The following GRB10 variants were observed in gnomAD, a reference collection of about 807,000 sequenced individuals.
GRB10 encodes growth factor receptor-bound protein 10.
A neutral mutation model predicts 80.9 loss-of-function variants in GRB10; 20 were observed. The ratio of observed to expected loss-of-function variants is 0.25; its 90% CI spans 0.17 to 0.36. The LOEUF is 0.36. Ranked by LOEUF, GRB10 falls within the 10% of genes least tolerant of loss-of-function variation. The pLI, the probability that GRB10 is intolerant of heterozygous loss-of-function variation, is 1.00. For missense variants in GRB10, 548 were observed against 747.7 expected (o/e 0.73, Z 3.12); for synonymous variants, 291 against 291.5 (o/e 1.00, Z 0.02).
chr7:50,782,368 G>GCGCCCAC lies in GRB10; in HGVS notation c.-327+49_-327+55dup, dbSNP rs577466455. The GCGCCCAC allele has an allele frequency of 6.3e-4, 93 of 148,134 alleles. No individual in the cohort carries two copies. Among genetic ancestry groups the GCGCCCAC allele is most frequent in the South Asian group, 1.4e-3 (7 of 4,980 alleles). The allele number at this position is 148,134 out of a possible 1,614,324, so 9.2% of individuals were successfully genotyped here. On this transcript the variant is annotated intron_variant, in intron 1 of 18. Coordinates refer to ENST00000401949, the MANE Select transcript of GRB10 (RefSeq NM_001350814.2). This position sits in a 1 kb window ranked among gnomAD's most constrained non-coding sequence, Gnocchi z 6.6. ...GCCGATCCGCCCGCCGCCCCGGCTC[G>GCGCCCAC]CGCCCACCGCCCACCGCCCACCGCC... is the stretch of plus-strand genomic sequence containing the variant.
At chr7:50,729,760 C>T (rs6963038) in intron 4 of GRB10, among the ~76,000 whole-genome samples, 6,487 of 144,898 alleles carry the variant, frequency 0.045, 492 homozygotes, top group African/African-American at 0.15. Flanking sequence ...CCTCTCTCCC[C>T]CCGTTGTCCC....
At chr7:50,741,825 G>A (rs1247527616) in intron 3 of GRB10, among the ~76,000 whole-genome samples, 4 of 151,638 alleles carry the variant, frequency 2.6e-5, no homozygotes, top group Non-Finnish European at 4.4e-5. Flanking sequence ...GTCAAAAATC[G>A]GAAAGCAAAG....
intron 17 of GRB10, among the ~76,000 whole-genome samples, chr7:50,599,047 T>C (rs1420672907): frequency 1.3e-5 from 2 of 152,122 alleles, no homozygotes; most frequent in Non-Finnish European, 2.9e-5. Context: ...AGATTTCCCC[T>C]TAAAAAGATC....
At chr7:50,787,697 A>G (rs1378188698), upstream of GRB10, among the ~76,000 whole-genome samples, 2 of 152,204 alleles carry the variant, frequency 1.3e-5, no homozygotes, top group Admixed American at 6.5e-5. Flanking sequence ...CTCCTGACTT[A>G]TCCCTCCTGC....
At chr7:50,763,534 A>ATGCATACACACGCG (rs1186100051) in intron 2 of GRB10, among the ~76,000 whole-genome samples, 1 of 152,190 alleles carries the variant, frequency 6.6e-6, no homozygotes, top group African/African-American at 2.4e-5. Context: ...AAAGACTCAC[A>ATGCATACACACGCG]TGCATACACA....
chr7:50,660,937 C>T (rs2059205972), intron 7 of GRB10, among the ~76,000 whole-genome samples: 1 of 152,186 alleles, frequency 6.6e-6, no homozygotes, highest in South Asian at 2.1e-4. Context: ...TAGGCTCAGG[C>T]CCCAATGTCT....
intron 17 of GRB10, among the ~76,000 whole-genome samples, chr7:50,596,542 A>G (rs2046688678): frequency 6.6e-6 from 1 of 152,250 alleles, no homozygotes. Context: ...CTTTTGCTAT[A>G]AAGGAGGCAA....
intron 3 of GRB10, among the ~76,000 whole-genome samples, chr7:50,746,017 ATC>A (rs1175156419): frequency 6.6e-6 from 1 of 152,184 alleles, no homozygotes; most frequent in Non-Finnish European, 1.5e-5. Context: ...AGAGTCCAGT[ATC>A]TGAGCTGTAA....
At chr7:50,627,709 C>A (rs1377372963) in intron 7 of GRB10, among the ~76,000 whole-genome samples, 1 of 152,184 alleles carries the variant, frequency 6.6e-6, no homozygotes, top group Non-Finnish European at 1.5e-5. Context: ...CAGGCAAGAC[C>A]CTGCAGCAAT....
chr7:50,668,255 G>A (rs571935338), intron 7 of GRB10, among the ~76,000 whole-genome samples: 5 of 152,322 alleles, frequency 3.3e-5, no homozygotes, highest in Admixed American at 1.3e-4. Flanking sequence ...GCATGGCACA[G>A]GACAGGCAGA....
chr7:50,630,119 C>T (rs2053733698), intron 7 of GRB10, among the ~76,000 whole-genome samples: 1 of 152,244 alleles, frequency 6.6e-6, no homozygotes, highest in African/African-American at 2.4e-5. Context: ...AATTAGCAAT[C>T]TAAGACTTGC....
chr7:50,781,657 G>T (rs2153713735), intron 1 of GRB10, among the ~76,000 whole-genome samples: 1 of 152,362 alleles, frequency 6.6e-6, no homozygotes. Flanking sequence ...GGTCCCCCCA[G>T]CACCCTGGCA....
At chr7:50,650,148 G>T (rs574160841) in intron 7 of GRB10, among the ~76,000 whole-genome samples, 6 of 152,318 alleles carry the variant, frequency 3.9e-5, no homozygotes, top group Admixed American at 2.6e-4. Flanking sequence ...GAGATGAAGA[G>T]ATCACAAGCT....
chr7:50,710,598 G>T (rs1177155388), intron 4 of GRB10, among the ~76,000 whole-genome samples: 1 of 152,146 alleles, frequency 6.6e-6, no homozygotes, highest in Non-Finnish European at 1.5e-5. Flanking sequence ...GGGAAAACTG[G>T]ATGAGAGGAG....
intron 2 of GRB10, among the ~76,000 whole-genome samples, chr7:50,772,835 A>G (rs1183198465): frequency 1.3e-5 from 2 of 152,236 alleles, no homozygotes; most frequent in Non-Finnish European, 2.9e-5. Flanking sequence ...AGAAAAGGAC[A>G]AAACAGTTGC....
At chr7:50,603,225 C>T (rs78586157) in intron 17 of GRB10, among the ~76,000 whole-genome samples, 2,117 of 152,312 alleles carry the variant, frequency 0.014, 50 homozygotes, top group African/African-American at 0.048. Flanking sequence ...AGACTGCTGG[C>T]TCCGCAGTGT....
chr7:50,750,128 A>G (rs1475797865), intron 3 of GRB10, among the ~76,000 whole-genome samples: 3 of 152,234 alleles, frequency 2.0e-5, no homozygotes, highest in South Asian at 4.1e-4. Context: ...CAGATTGTCT[A>G]CAGAAGCACA....
intron 7 of GRB10, among the ~76,000 whole-genome samples, chr7:50,655,949 C>G (rs546927235): frequency 6.6e-6 from 1 of 152,350 alleles, no homozygotes; most frequent in Admixed American, 6.5e-5. Flanking sequence ...ATGTTGGAAA[C>G]TGTCTGTGAT....
At chr7:50,754,177 C>T (rs62448805) in intron 3 of GRB10, among the ~76,000 whole-genome samples, 4 of 152,290 alleles carry the variant, frequency 2.6e-5, no homozygotes, top group African/African-American at 4.8e-5. Context: ...CACTGCACAT[C>T]GTCTACAATG....
Sources: allele counts gnomAD v4.1 joint callset (sites outside exome capture counted in the v4.1 genomes callset), GRCh38; gene constraint gnomAD v4.1.1; non-coding constraint Gnocchi (gnomAD v3.1); transcripts MANE v1.5; gene names NCBI Gene and HGNC (gene_info 2026-07-23, HGNC 2026-07-21).